SH3PXD2A: variants seen among roughly 807,000 people sequenced by gnomAD.
SH3PXD2A encodes the protein SH3 and PX domains 2A.
A neutral mutation model predicts 115.2 loss-of-function variants in SH3PXD2A; 32 were observed. The ratio of observed to expected loss-of-function variants is 0.28; its 90% CI spans 0.21 to 0.37. The LOEUF (loss-of-function observed/expected upper bound fraction) is 0.37, where lower values mean the gene tolerates loss of function less well. Among genes scored for constraint, SH3PXD2A ranks in the 10% least tolerant of loss-of-function variants. The probability of loss-of-function intolerance (pLI) is 1.00; values close to 1 mark genes in which losing one functional copy is unlikely to be tolerated. For synonymous variants in SH3PXD2A, 610 were observed against 629.1 expected (o/e 0.97, Z 0.45); for missense variants, 1,328 against 1,498.7 (o/e 0.89, Z 1.88).
chr10:103,638,392 T>C (rs1264270338), intron 8 of SH3PXD2A, among the ~76,000 whole-genome samples: 1 of 152,224 alleles, frequency 6.6e-6, no homozygotes, highest in African/African-American at 2.4e-5. Context: ...CAGAAGCCAG[T>C]GCTAGGCTGG....
At chr10:103,650,826 A>G (rs1030450664) in intron 8 of SH3PXD2A, among the ~76,000 whole-genome samples, 3 of 152,192 alleles carry the variant, frequency 2.0e-5, no homozygotes, top group Non-Finnish European at 4.4e-5. Context: ...CTGACTCACT[A>G]CACCTGGGCT....
intron 8 of SH3PXD2A, among the ~76,000 whole-genome samples, chr10:103,653,360 T>C (rs1432586090): frequency 6.6e-6 from 1 of 152,138 alleles, no homozygotes; most frequent in Non-Finnish European, 1.5e-5. Context: ...AGTAGAAACC[T>C]GTTTGTCCCC....
chr10:103,801,462 C>G, intron 1 of SH3PXD2A, 100 bp from the exon 2 acceptor site: 1 of 714,928 alleles, frequency 1.4e-6, no homozygotes, highest in Non-Finnish European at 2.6e-6. Flanking sequence ...ATGGCAGGAC[C>G]ACTCTTTTAC....
intron 1 of SH3PXD2A, among the ~76,000 whole-genome samples, chr10:103,809,658 TCTCCCTCCCTCC>T (rs1236435369): frequency 7.1e-4 from 5 of 7,078 alleles, no homozygotes; most frequent in East Asian, 1.9e-3. Context: ...CCTCCTTCCC[TCTCCCTCCCTCC>T]CTCCCTCCCT....
chr10:103,795,936 A>AAGGC lies in SH3PXD2A; in HGVS notation c.153+5345_153+5346insGCCT, dbSNP rs1554924442. Among the ~76,000 whole-genome samples the AAGGC allele has an allele frequency of 1.6e-3, 245 of 149,948 alleles. 1 individual carries two copies. Among genetic ancestry groups the AAGGC allele is most frequent in the African/African-American group, 5.7e-3 (233 of 40,860 alleles). On this transcript the variant is annotated intron_variant, in intron 2 of 14. Coordinates refer to ENST00000369774, the MANE Select transcript of SH3PXD2A (RefSeq NM_001394015.1). The stretch of plus-strand genomic sequence containing the variant: ...GAAGGAAGGAAGGAAGGAAGGCAGG[A>AAGGC]AGGAAGGAAGGAAGGAAGGAAACCA...
At chr10:103,743,314 G>C (rs544766089) in intron 3 of SH3PXD2A, among the ~76,000 whole-genome samples, 1 of 152,186 alleles carries the variant, frequency 6.6e-6, no homozygotes, top group Admixed American at 6.5e-5. Context: ...TTTCAGAGAG[G>C]CTGTTACCAA....
intron 5 of SH3PXD2A, among the ~76,000 whole-genome samples, chr10:103,712,291 C>G (rs1467556896): frequency 1.3e-5 from 2 of 152,240 alleles, no homozygotes; most frequent in Non-Finnish European, 2.9e-5. Flanking sequence ...TGCTCCGGGC[C>G]ACATGTCCTG....
At position 103,652,118 on chromosome 10, in the gene SH3PXD2A, G is replaced by A. The variant is rs77417100; in HGVS notation, c.604+8865C>T. ...CAATAAAAACTCAGGGGAGGCAAAC[G>A]AACTTTAGCCGGAGCCTGAGAGATG... is the stretch of plus-strand genomic sequence containing the variant. On this transcript the variant is annotated intron_variant, in intron 8 of 14. Coordinates refer to ENST00000369774, the MANE Select transcript of SH3PXD2A (RefSeq NM_001394015.1). Among the ~76,000 whole-genome samples the A allele has an allele frequency of 2.2e-3, 329 of 152,366 alleles. 3 individuals carry two copies. Among genetic ancestry groups the A allele is most frequent in the Non-Finnish European group, 3.8e-3 (259 of 68,038 alleles).
Position 103,735,811 on chromosome 10 carries a change from G to A in SH3PXD2A, c.230-3C>T, listed in dbSNP as rs367575100. On this transcript the variant is annotated splice_polypyrimidine_tract_variant and splice_region_variant and intron_variant, in intron 3 of 14. Transcript: ENST00000369774. Reference sequence around the variant, plus strand: ...GCTTCTGCGGAAGAGGATCTTGCCTGGAAGAGAGATGCTCATGAGTGGGGG... The same window carrying A: ...GCTTCTGCGGAAGAGGATCTTGCCTAGAAGAGAGATGCTCATGAGTGGGGG... 34 of 1,612,802 alleles carry A rather than the reference G, an allele frequency of 2.1e-5. No homozygotes were observed. The highest frequency in any genetic ancestry group is 1.3e-4 in the East Asian group (6 of 44,890).
chr10:103,693,093 G>A lies in SH3PXD2A; in HGVS notation c.399-37C>T, dbSNP rs200823604. 1.2e-5 allele frequency: 19 copies of A among 1,605,724 alleles called. No individual in the cohort carries two copies. The East Asian group carries it at 4.3e-4, about 36-fold the overall frequency. ...GCAACAACAGATAGACATGGTTAGG[G>A]CCGGGCGCGAGCGCGGGGCTGCAGC... On this transcript the variant is annotated intron_variant, in intron 5 of 14. Coordinates refer to ENST00000369774, the MANE Select transcript of SH3PXD2A (RefSeq NM_001394015.1).
chr10:103,701,145 TATC>T (rs2037893092), intron 5 of SH3PXD2A, among the ~76,000 whole-genome samples: 1 of 55,410 alleles, frequency 1.8e-5, no homozygotes, highest in Non-Finnish European at 3.5e-5. Context: ...ATCCATCCAC[TATC>T]CATCCATCCA....
intron 3 of SH3PXD2A, among the ~76,000 whole-genome samples, chr10:103,738,975 G>A: frequency 7.6e-6 from 1 of 131,296 alleles, no homozygotes; most frequent in African/African-American, 3.6e-5. Flanking sequence ...TGCATTTTTA[G>A]TAGAGTGGGG....
chr10:103,616,360 A>C (rs189477373), intron 11 of SH3PXD2A, among the ~76,000 whole-genome samples: 26 of 152,328 alleles, frequency 1.7e-4, no homozygotes, highest in Admixed American at 1.6e-3. Flanking sequence ...GAAGGTGGGC[A>C]AAGTCATCAC....
At chr10:103,855,127 AG>A in intron 1 of SH3PXD2A, 67 bp downstream of exon 1, 1 of 1,200,302 alleles carries the variant, frequency 8.3e-7, no homozygotes, top group Non-Finnish European at 1.2e-6. Flanking sequence ...GGGAGGGGCA[AG>A]GGGCCATCCG....
intron 2 of SH3PXD2A, among the ~76,000 whole-genome samples, chr10:103,791,156 A>C (rs1327293493): frequency 6.6e-6 from 1 of 152,176 alleles, no homozygotes; most frequent in Non-Finnish European, 1.5e-5. Flanking sequence ...AATTTTCCCC[A>C]GTTTACAAAA....
intron 11 of SH3PXD2A, among the ~76,000 whole-genome samples, chr10:103,614,959 G>A (rs1268026824): frequency 1.3e-5 from 2 of 152,240 alleles, no homozygotes; most frequent in Admixed American, 1.3e-4. Flanking sequence ...GGATTGGGAG[G>A]CAGAGGTGAG....
intron 2 of SH3PXD2A, among the ~76,000 whole-genome samples, chr10:103,778,305 C>G (rs528471075): frequency 1.6e-3 from 243 of 152,326 alleles, no homozygotes; most frequent in African/African-American, 5.6e-3. Context: ...GCACTCCAGC[C>G]TGGGCGATAG....
intron 3 of SH3PXD2A, among the ~76,000 whole-genome samples, chr10:103,744,325 G>A (rs948440591): frequency 6.6e-6 from 1 of 151,946 alleles, no homozygotes; most frequent in East Asian, 1.9e-4. Flanking sequence ...GGCTAATTTT[G>A]TATTTTTAGT....
At chr10:103,804,791 T>C (rs1024317262) in intron 1 of SH3PXD2A, among the ~76,000 whole-genome samples, 13 of 152,086 alleles carry the variant, frequency 8.5e-5, no homozygotes, top group African/African-American at 3.1e-4. Context: ...TGGTTAGGAA[T>C]GCTACAAAAC....
Sources: gnomAD v4.1 joint callset for allele counts (sites outside exome capture counted in the v4.1 genomes callset) on GRCh38, gnomAD v4.1.1 for gene constraint, MANE v1.5 for transcripts, NCBI Gene and HGNC (gene_info 2026-07-23, HGNC 2026-07-21) for gene names.